Variants in SRGAP2 observed in about 807,000 individuals in gnomAD.
SRGAP2 encodes the protein SLIT-ROBO Rho GTPase-activating protein 2.
SRGAP2 carries 15 observed loss-of-function variants against 57.2 expected under a neutral mutation model. That is an observed-to-expected ratio of 0.26 (90% CI 0.18 to 0.40). The LOEUF is 0.40. SRGAP2 is among the 10% of genes least tolerant of loss of function. SRGAP2 has a pLI of 1.00. For missense variants in SRGAP2, 520 were observed against 669.6 expected (o/e 0.78, Z 2.47); for synonymous variants, 249 against 248.0 (o/e 1.00, Z -0.04).
intron 11 of SRGAP2, among the ~76,000 whole-genome samples, chr1:206,416,252 C>T (rs782804271): frequency 6.6e-6 from 1 of 152,110 alleles, no homozygotes; most frequent in Non-Finnish European, 1.5e-5. Flanking sequence ...TCCTCTGCCA[C>T]GACTAGGGTA....
At chr1:206,414,554 G>T (rs782411191) in intron 10 of SRGAP2, among the ~76,000 whole-genome samples, 9 of 152,094 alleles carry the variant, frequency 5.9e-5, no homozygotes, top group Non-Finnish European at 1.2e-4. Flanking sequence ...TGACTTCTGA[G>T]TTCAGACTTA....
intron 2 of SRGAP2, among the ~76,000 whole-genome samples, chr1:206,279,920 GCATTT>G (rs1670631956): frequency 6.6e-6 from 1 of 151,646 alleles, no homozygotes; most frequent in Admixed American, 6.6e-5. Flanking sequence ...CACTTTGGAG[GCATTT>G]CATTTCATTG....
chr1:206,211,055 AG>A (rs1239228371), intron 2 of SRGAP2, among the ~76,000 whole-genome samples: 1 of 151,948 alleles, frequency 6.6e-6, no homozygotes, highest in African/African-American at 2.4e-5. Context: ...TGTGCAAAGA[AG>A]CAGTAGTTGG....
Position 206,446,257 on chromosome 1 carries a change from A to C in SRGAP2, c.2057A>C (p.Glu686Ala). The change falls in exon 18 of 23, where the codon GAG becomes GCG. Residue 686 changes from glutamate (E) to alanine (A), a missense_variant. Coordinates refer to ENST00000573034, the MANE Select transcript of SRGAP2 (RefSeq NM_015326.5). ...ENIFPSPREL[E>A]GPVYSRGGSM... ...ATCTTCCCAAGCCCCAGGGAGCTGG[A>C]GGGCCCTGTCTACAGCAGAGGAGGA... is the stretch of plus-strand genomic sequence containing the variant. 1 of 780,868 alleles carries C rather than the reference A, an allele frequency of 1.3e-6. No individual in the cohort carries two copies. The highest frequency in any genetic ancestry group is 2.4e-6 in the Non-Finnish European group (1 of 417,988). The allele number at this position is 780,868 out of a possible 1,614,324, so 48.4% of individuals were successfully genotyped here. A position where few individuals can be genotyped will look rare whatever the true frequency, so the allele number is the denominator to read the frequency against.
At chr1:206,423,976 A>G (rs1379171005) in intron 13 of SRGAP2, among the ~76,000 whole-genome samples, 2 of 119,660 alleles carry the variant, frequency 1.7e-5, no homozygotes, top group East Asian at 2.3e-4. Flanking sequence ...TTTTTTTTAT[A>G]GAGACTGAGT....
At chr1:206,257,980 C>A (rs1315995353) in intron 2 of SRGAP2, among the ~76,000 whole-genome samples, 1 of 151,506 alleles carries the variant, frequency 6.6e-6, no homozygotes, top group African/African-American at 2.4e-5. Context: ...AGTGCAGGGA[C>A]CTAAGATGTG....
intron 2 of SRGAP2, among the ~76,000 whole-genome samples, chr1:206,222,583 C>T (rs1553304928): frequency 7.1e-6 from 1 of 140,580 alleles, no homozygotes; most frequent in South Asian, 2.5e-4. Context: ...ACCTATAGTC[C>T]CAGCTACTCT....
At chr1:206,359,796 C>CTTTTT (rs1676747122) in intron 4 of SRGAP2, among the ~76,000 whole-genome samples, 1 of 103,664 alleles carries the variant, frequency 9.6e-6, no homozygotes. Context: ...AGGGATATTG[C>CTTTTT]TCTTTTTTTT....
At position 206,304,592 on chromosome 1, in the gene SRGAP2, G is replaced by A. The variant is rs1261066065; in HGVS notation, c.260+1119G>A. Among the ~76,000 whole-genome samples the A allele has an allele frequency of 3.1e-3, 465 of 152,172 alleles. 4 individuals are homozygous for A. The highest frequency in any genetic ancestry group is 0.01 in the African/African-American group (434 of 41,496). On this transcript the variant is annotated intron_variant, in intron 3 of 22. Coordinates refer to ENST00000573034, the MANE Select transcript of SRGAP2 (RefSeq NM_015326.5). ...TCAAAGCCATCCTGGCCCCCATGCAGCCCACAGGCCGTAGGTTGGACAAGC... is the reference window on the plus strand; with the variant it reads ...TCAAAGCCATCCTGGCCCCCATGCAACCCACAGGCCGTAGGTTGGACAAGC...
intron 3 of SRGAP2, among the ~76,000 whole-genome samples, chr1:206,326,008 G>T (rs1283489194): frequency 2.0e-5 from 3 of 151,394 alleles, no homozygotes; most frequent in Non-Finnish European, 2.9e-5. Flanking sequence ...GAACCTGGCT[G>T]TTGAAGGCTT....
intron 3 of SRGAP2, among the ~76,000 whole-genome samples, chr1:206,323,380 G>T (rs1200250318): frequency 5.3e-5 from 8 of 152,162 alleles, no homozygotes; most frequent in Admixed American, 3.3e-4. Flanking sequence ...GCAGAAGTCA[G>T]TGATGGGGAC....
chr1:206,370,126 C>T (rs879996408), intron 4 of SRGAP2, among the ~76,000 whole-genome samples: 77 of 151,396 alleles, frequency 5.1e-4, no homozygotes, highest in Admixed American at 8.5e-4. Context: ...ATTGGCCAGG[C>T]GTGATGGCAG....
chr1:206,303,888 T>TCA (rs1172123806), intron 3 of SRGAP2, among the ~76,000 whole-genome samples: 4,508 of 138,418 alleles, frequency 0.033, 39 homozygotes, highest in Middle Eastern at 0.059. Context: ...TCTCTCTCTC[T>TCA]CACACACACA....
At chr1:206,287,941 TAGAA>T (rs1293745567) in intron 2 of SRGAP2, among the ~76,000 whole-genome samples, 1 of 107,044 alleles carries the variant, frequency 9.3e-6, no homozygotes, top group South Asian at 3.4e-4. Context: ...GGTTTGCAGG[TAGAA>T]AGATAAACCT....
chr1:206,445,066 G>A (rs1662638030), intron 17 of SRGAP2, among the ~76,000 whole-genome samples: 1 of 152,212 alleles, frequency 6.6e-6, no homozygotes, highest in Admixed American at 6.5e-5. Context: ...TACTCAGATG[G>A]AGACAGCTGA....
At chr1:206,354,732 C>T (rs1215732248) in intron 4 of SRGAP2, among the ~76,000 whole-genome samples, 10 of 151,272 alleles carry the variant, frequency 6.6e-5, no homozygotes, top group Admixed American at 6.6e-5. Context: ...AAAACCTTTT[C>T]TCTCTCTTTC....
rs564784046 is a variant in SRGAP2, at chr1:206,375,921, G to A, written c.424-8093G>A. ...ACATTCCAGAGCTTCTGGAAAAGCC[G>A]TAAGGAAATGGCTTTCAGAAAGCCA... On this transcript the variant is annotated intron_variant, in intron 4 of 22. Transcript: ENST00000573034. Among the ~76,000 whole-genome samples the A allele has an allele frequency of 4.8e-3, 722 of 151,184 alleles. 7 individuals are homozygous for A. Among genetic ancestry groups the A allele is most frequent in the African/African-American group, 0.016 (651 of 41,098 alleles).
chr1:206,453,657 C>T lies in SRGAP2; in HGVS notation c.2360+277C>T, dbSNP rs1473784470. 5 of 305,058 alleles carry T rather than the reference C, an allele frequency of 1.6e-5. No individual in the cohort carries two copies. In the East Asian group the frequency reaches 2.8e-4, roughly 17 times the overall value. 18.9% of individuals were successfully genotyped at this position (305,058 alleles called of 1,614,324 possible). On this transcript the variant is annotated intron_variant, in intron 20 of 22. Transcript: ENST00000573034. Reference sequence around the variant, plus strand: ...AGAAACCTGCCAGCCAGCCAGCACTCATCCATATTTATACCTGATGAGTGA... The same window carrying T: ...AGAAACCTGCCAGCCAGCCAGCACTTATCCATATTTATACCTGATGAGTGA...
At position 206,349,559 on chromosome 1, in the gene SRGAP2, A is replaced by G. The variant is rs369371283; in HGVS notation, c.423+6551A>G. ...ATATTCTAACCTTTGGAACCTGTGA[A>G]TGTTACCTTATGCATGTAATACTTT... On this transcript the variant is annotated intron_variant, in intron 4 of 22. Transcript: ENST00000573034. Among the ~76,000 whole-genome samples the G allele has an allele frequency of 4.1e-5, 6 of 147,290 alleles. No homozygotes were observed. The South Asian group carries it at 1.1e-3, about 27-fold the overall frequency.
Sources: gnomAD v4.1 joint callset for allele counts (sites outside exome capture counted in the v4.1 genomes callset) on GRCh38, gnomAD v4.1.1 for gene constraint, MANE v1.5 for transcripts, NCBI Gene and HGNC (gene_info 2026-07-23, HGNC 2026-07-21) for gene names.